The following CNTN5 variants were observed in gnomAD, a reference collection of about 807,000 sequenced individuals.
The protein encoded by CNTN5 is contactin 5, also known as contactin-5.
In CNTN5, 77 loss-of-function variants were observed where a neutral mutation model predicts 129.1. The ratio of observed to expected loss-of-function variants is 0.60; its 90% CI spans 0.50 to 0.72. The LOEUF (loss-of-function observed/expected upper bound fraction) is 0.72, where lower values mean the gene tolerates loss of function less well. CNTN5 is among the 30% of genes least tolerant of loss of function. CNTN5 has a pLI of 0.00. For synonymous variants in CNTN5, 509 were observed against 465.6 expected (o/e 1.09, Z -1.20); for missense variants, 1,478 against 1,328.8 (o/e 1.11, Z -1.75).
At chr11:100,317,281 TG>T (rs1370963435) in intron 21 of CNTN5, among the ~76,000 whole-genome samples, 3 of 151,988 alleles carry the variant, frequency 2.0e-5, no homozygotes, top group Non-Finnish European at 4.4e-5. Context: ...TTACTTTGTA[TG>T]GGGGGGAGGA....
At chr11:99,436,192 C>T (rs984767979) in intron 2 of CNTN5, among the ~76,000 whole-genome samples, 3 of 152,078 alleles carry the variant, frequency 2.0e-5, no homozygotes, top group African/African-American at 7.2e-5. Context: ...ATGTCAATTA[C>T]TACATATTGA....
chr11:99,395,556 T>C (rs1941477120), intron 2 of CNTN5, among the ~76,000 whole-genome samples: 1 of 152,004 alleles, frequency 6.6e-6, no homozygotes, highest in South Asian at 2.1e-4. Flanking sequence ...TTAGATCCTA[T>C]TAGTCAATTT....
At chr11:99,311,779 C>T (rs1029067021) in intron 1 of CNTN5, among the ~76,000 whole-genome samples, 3 of 151,942 alleles carry the variant, frequency 2.0e-5, no homozygotes, top group Non-Finnish European at 4.4e-5. Context: ...TAAAACTGAC[C>T]ATATTATTAA....
chr11:99,081,640 G>A (rs79504784), intron 1 of CNTN5, among the ~76,000 whole-genome samples: 5 of 152,194 alleles, frequency 3.3e-5, no homozygotes, highest in Non-Finnish European at 5.9e-5. Context: ...GATATTCTTA[G>A]TCTCTTTCCA....
At chr11:99,504,488 C>A (rs1279815524) in intron 2 of CNTN5, among the ~76,000 whole-genome samples, 2 of 145,732 alleles carry the variant, frequency 1.4e-5, no homozygotes, top group East Asian at 4.1e-4. Context: ...GTGCAGTGAG[C>A]CACTGCACGC....
In CNTN5 at chr11:100,358,531, G is replaced by A. The variant is rs1209816430; in HGVS notation, c.*2311G>A. ...CTGTTACTTTGTAGAAACCAGAAGA[G>A]CATTCTTATCAAGGTACATTATTTT... On this transcript the variant is annotated 3_prime_UTR_variant, in exon 25 of 25. Coordinates refer to ENST00000524871, the MANE Select transcript of CNTN5 (RefSeq NM_014361.4). 1 of 151,828 alleles carries A rather than the reference G, an allele frequency of 6.6e-6. No homozygotes were observed. The highest frequency in any genetic ancestry group is 1.5e-5 in the Non-Finnish European group (1 of 67,826). 9.4% of individuals were successfully genotyped at this position (151,828 alleles called of 1,614,324 possible).
chr11:100,075,919 C>A (rs1487710044), intron 13 of CNTN5, among the ~76,000 whole-genome samples: 1 of 152,054 alleles, frequency 6.6e-6, no homozygotes, highest in Non-Finnish European at 1.5e-5. Flanking sequence ...GGTCAAGGTA[C>A]TCTGTGCCAT....
At chr11:100,075,046 T>A (rs891083826) in intron 13 of CNTN5, among the ~76,000 whole-genome samples, 2 of 152,190 alleles carry the variant, frequency 1.3e-5, no homozygotes, top group African/African-American at 4.8e-5. Flanking sequence ...TGTATTAGAT[T>A]TTGTTTAATT....
At chr11:99,568,628 G>A (rs1949080950) in intron 3 of CNTN5, among the ~76,000 whole-genome samples, 1 of 152,154 alleles carries the variant, frequency 6.6e-6, no homozygotes, top group Non-Finnish European at 1.5e-5. Flanking sequence ...ACATAAGTGC[G>A]ATGCAGAATG....
chr11:99,357,200 C>A (rs1474686676), intron 2 of CNTN5, among the ~76,000 whole-genome samples: 1 of 151,800 alleles, frequency 6.6e-6, no homozygotes, highest in Non-Finnish European at 1.5e-5. Flanking sequence ...CTTTTAAATT[C>A]TCTCATATTA....
chr11:100,160,852 C>T (rs543228773), intron 13 of CNTN5, among the ~76,000 whole-genome samples: 1 of 151,942 alleles, frequency 6.6e-6, no homozygotes, highest in South Asian at 2.1e-4. Flanking sequence ...TAACGAGCAA[C>T]GTTTGATCTC....
chr11:99,575,887 G>T (rs1051264298), intron 3 of CNTN5, among the ~76,000 whole-genome samples: 5 of 152,134 alleles, frequency 3.3e-5, no homozygotes, highest in African/African-American at 1.2e-4. Context: ...CTGTGTCTTA[G>T]AACTAAGCAG....
chr11:100,027,455 A>G (rs75321161), intron 9 of CNTN5, among the ~76,000 whole-genome samples: 9 of 152,160 alleles, frequency 5.9e-5, no homozygotes, highest in Non-Finnish European at 1.0e-4. Context: ...CTCCCTAATT[A>G]TGATATTTTC....
intron 3 of CNTN5, among the ~76,000 whole-genome samples, chr11:99,664,368 A>C (rs921438791): frequency 2.6e-5 from 4 of 151,998 alleles, no homozygotes; most frequent in Non-Finnish European, 5.9e-5. Flanking sequence ...AATTTATACA[A>C]GTTGTAGGTT....
chr11:100,018,772 A>C (rs1000335427), intron 9 of CNTN5, among the ~76,000 whole-genome samples: 4 of 151,976 alleles, frequency 2.6e-5, no homozygotes, highest in Non-Finnish European at 4.4e-5. Context: ...TAGTTGTACT[A>C]TTTTGCATTA....
intron 2 of CNTN5, among the ~76,000 whole-genome samples, chr11:99,480,679 G>A (rs1312119212): frequency 6.6e-6 from 1 of 151,850 alleles, no homozygotes; most frequent in Non-Finnish European, 1.5e-5. Context: ...TGTTACTATT[G>A]AAATTCATAA....
chr11:99,743,781 C>T (rs910665873), intron 3 of CNTN5, among the ~76,000 whole-genome samples: 1 of 152,182 alleles, frequency 6.6e-6, no homozygotes, highest in African/African-American at 2.4e-5. Context: ...AAAGGCAAGT[C>T]ATTTCAATAG....
intron 1 of CNTN5, among the ~76,000 whole-genome samples, chr11:99,243,304 G>A (rs534460272): frequency 9.2e-5 from 14 of 151,786 alleles, no homozygotes; most frequent in African/African-American, 3.4e-4. Context: ...TTTTTTAATG[G>A]GATTATTTGG....
chr11:99,749,801 T>C (rs1944172534), intron 3 of CNTN5, among the ~76,000 whole-genome samples: 1 of 152,216 alleles, frequency 6.6e-6, no homozygotes, highest in South Asian at 2.1e-4. Context: ...TTTATCATGG[T>C]TCCTGGAAGG....
Sources: allele counts gnomAD v4.1 joint callset (sites outside exome capture counted in the v4.1 genomes callset), GRCh38; gene constraint gnomAD v4.1.1; transcripts MANE v1.5; gene names NCBI Gene and HGNC (gene_info 2026-07-23, HGNC 2026-07-21).